The following NELL1 variants were observed in gnomAD, a reference collection of about 807,000 sequenced individuals.
NELL1 encodes protein kinase C-binding protein NELL1.
In NELL1, 76 loss-of-function variants were observed where a neutral mutation model predicts 107.4. The observed-to-expected ratio is 0.71, with a 90% CI of 0.59 to 0.86. The LOEUF (loss-of-function observed/expected upper bound fraction) is 0.86, where lower values mean the gene tolerates loss of function less well. Ranked by LOEUF, NELL1 falls within the 40% of genes least tolerant of loss-of-function variation. NELL1 has a pLI of 0.00. For missense variants in NELL1, 1,024 were observed against 1,005.5 expected, an observed-to-expected ratio of 1.02 and a Z score of -0.25; for synonymous variants, 353 against 341.2, an observed-to-expected ratio of 1.03 and a Z score of -0.38.
chr11:21,089,221 G>T (rs561438447), intron 12 of NELL1, among the ~76,000 whole-genome samples: 1 of 152,194 alleles, frequency 6.6e-6, no homozygotes, highest in Non-Finnish European at 1.5e-5. Flanking sequence ...GCTTACAAAA[G>T]TGAATCATGT....
At chr11:21,446,281 G>A (rs1853425357) in intron 15 of NELL1, among the ~76,000 whole-genome samples, 1 of 151,940 alleles carries the variant, frequency 6.6e-6, no homozygotes, top group African/African-American at 2.4e-5. Flanking sequence ...CCTCAAAACA[G>A]GTATTTTGAA....
intron 7 of NELL1, among the ~76,000 whole-genome samples, chr11:20,921,958 G>A (rs1434078084): frequency 6.6e-6 from 1 of 152,052 alleles, no homozygotes; most frequent in African/African-American, 2.4e-5. Context: ...GAAAGGCCAG[G>A]TGAAGTCTCA....
intron 12 of NELL1, among the ~76,000 whole-genome samples, chr11:20,997,905 T>C (rs1304989853): frequency 6.6e-6 from 1 of 152,082 alleles, no homozygotes; most frequent in African/African-American, 2.4e-5. Context: ...CCAGGAGTTC[T>C]AAATTTCAGT....
chr11:20,674,031 C>G (rs1342573973), intron 1 of NELL1, among the ~76,000 whole-genome samples: 1 of 152,120 alleles, frequency 6.6e-6, no homozygotes, highest in East Asian at 1.9e-4. Context: ...AGAAAACTAT[C>G]CAGAAGCCTA....
chr11:21,506,528 C>A (rs1466720810), intron 15 of NELL1, among the ~76,000 whole-genome samples: 1 of 152,176 alleles, frequency 6.6e-6, no homozygotes, highest in Non-Finnish European at 1.5e-5. Context: ...TCAGTTTTGA[C>A]ATATTCTCAC....
At chr11:20,964,446 A>T (rs960999976) in intron 12 of NELL1, among the ~76,000 whole-genome samples, 2 of 152,154 alleles carry the variant, frequency 1.3e-5, no homozygotes, top group African/African-American at 2.4e-5. Context: ...TTTTACTTGC[A>T]GAGTGTTTTA....
intron 12 of NELL1, among the ~76,000 whole-genome samples, chr11:21,018,613 G>A (rs999945829): frequency 6.6e-6 from 1 of 152,008 alleles, no homozygotes; most frequent in Non-Finnish European, 1.5e-5. Context: ...TTTCAATGTG[G>A]TAGGCACATT....
At chr11:21,029,337 C>T (rs1852896170) in intron 12 of NELL1, among the ~76,000 whole-genome samples, 1 of 152,106 alleles carries the variant, frequency 6.6e-6, no homozygotes. Context: ...AACGTCTATA[C>T]TGTCTTCCTT....
intron 3 of NELL1, among the ~76,000 whole-genome samples, chr11:20,826,472 C>T (rs189716290): frequency 6.6e-6 from 1 of 151,290 alleles, no homozygotes; most frequent in East Asian, 1.9e-4. Flanking sequence ...TCTAGATGGC[C>T]GTGTGCTTCA....
intron 14 of NELL1, among the ~76,000 whole-genome samples, chr11:21,313,237 G>A (rs972044205): frequency 2.6e-5 from 4 of 152,030 alleles, no homozygotes; most frequent in African/African-American, 9.7e-5. Flanking sequence ...GAATCTATCA[G>A]CAAGATGACC....
chr11:21,451,569 A>G (rs1253637081), intron 15 of NELL1, among the ~76,000 whole-genome samples: 1 of 152,204 alleles, frequency 6.6e-6, no homozygotes. Flanking sequence ...ATTTATGTTC[A>G]GTCCCAGAAA....
At chr11:20,685,068 A>G (rs11025695) in intron 2 of NELL1, among the ~76,000 whole-genome samples, 14,516 of 151,804 alleles carry the variant, frequency 0.096, 883 homozygotes, top group Non-Finnish European at 0.13. Context: ...TCTCTTGTGT[A>G]TACTGTCCTG....
chr11:20,876,777 A>G (rs1327216624), intron 4 of NELL1, among the ~76,000 whole-genome samples: 2 of 151,832 alleles, frequency 1.3e-5, no homozygotes, highest in Non-Finnish European at 2.9e-5. Context: ...ACAAAACAAA[A>G]CAAAACAAAC....
At chr11:21,256,768 T>C (rs1858779771) in intron 14 of NELL1, among the ~76,000 whole-genome samples, 1 of 151,994 alleles carries the variant, frequency 6.6e-6, no homozygotes, top group African/African-American at 2.4e-5. Flanking sequence ...TGTGAGTGTC[T>C]GGCTCTCCCA....
At chr11:21,274,554 A>G (rs574408905) in intron 14 of NELL1, among the ~76,000 whole-genome samples, 1 of 152,356 alleles carries the variant, frequency 6.6e-6, no homozygotes, top group East Asian at 1.9e-4. Context: ...CGGACCTAAT[A>G]GACATCTACA....
At chr11:21,435,084 G>A (rs182479567) in intron 15 of NELL1, among the ~76,000 whole-genome samples, 229 of 151,660 alleles carry the variant, frequency 1.5e-3, no homozygotes, top group African/African-American at 5.4e-3. Context: ...TTTTTTTGTG[G>A]GTTTGTGGGG....
chr11:20,884,518 G>A (rs1206539901), intron 4 of NELL1, among the ~76,000 whole-genome samples: 1 of 1,366 alleles, frequency 7.3e-4, no homozygotes, highest in Non-Finnish European at 6.4e-3. Context: ...GTACTTGCCC[G>A]GGGTGAGGTT....
At chr11:21,567,347 T>C (rs1031164052) in intron 17 of NELL1, among the ~76,000 whole-genome samples, 2 of 149,468 alleles carry the variant, frequency 1.3e-5, no homozygotes, top group Admixed American at 6.6e-5. Flanking sequence ...AGGCCTATTG[T>C]TGGGAAATTC....
At chr11:21,247,337 CA>C (rs1318820144) in intron 14 of NELL1, among the ~76,000 whole-genome samples, 1 of 152,112 alleles carries the variant, frequency 6.6e-6, no homozygotes, top group Admixed American at 6.6e-5. Flanking sequence ...GACTGGTTTG[CA>C]ATAACACTTA....
Sources: gnomAD v4.1 joint callset for allele counts (sites outside exome capture counted in the v4.1 genomes callset) on GRCh38, gnomAD v4.1.1 for gene constraint, MANE v1.5 for transcripts, NCBI Gene and HGNC (gene_info 2026-07-23, HGNC 2026-07-21) for gene names.